The following MROH2B variants were observed in gnomAD, a reference collection of about 807,000 sequenced individuals.
MROH2B encodes the protein maestro heat-like repeat-containing protein family member 2B.
Under a neutral mutation model 208.6 loss-of-function variants are expected in MROH2B, and 177 were observed. The observed-to-expected ratio is 0.85, with a 90% CI of 0.75 to 0.96. The LOEUF (loss-of-function observed/expected upper bound fraction) is 0.96. Ranked by LOEUF, MROH2B falls within the 40% of genes least tolerant of loss-of-function variation. MROH2B has a pLI of 0.00. For missense variants in MROH2B, 2,002 were observed against 1,878.7 expected (o/e 1.07, Z -1.21); for synonymous variants, 728 against 659.0 (o/e 1.10, Z -1.60).
At chr5:41,053,631 T>G (rs954064194) in intron 11 of MROH2B, among the ~76,000 whole-genome samples, 3 of 152,152 alleles carry the variant, frequency 2.0e-5, no homozygotes, top group African/African-American at 7.2e-5. Flanking sequence ...CTCAGTAGTC[T>G]ACCTAGAGAA....
chr5:41,007,487 T>C (rs367877590), intron 33 of MROH2B, 33 bp from the exon 34 acceptor site: 1 of 1,502,492 alleles, frequency 6.7e-7, no homozygotes, highest in Non-Finnish European at 8.9e-7. Flanking sequence ...CAAAACTAAG[T>C]TGACCCTTAT....
At chr5:41,048,188 A>C in intron 16 of MROH2B, 136 bp downstream of exon 16, 4 of 1,051,682 alleles carry the variant, frequency 3.8e-6, no homozygotes. Flanking sequence ...AGAAAAAAAT[A>C]GCTATCTACC....
chr5:41,012,805 T>A, intron 29 of MROH2B, 70 bp from the exon 30 acceptor site: 3 of 1,571,968 alleles, frequency 1.9e-6, no homozygotes, highest in East Asian at 2.2e-5. Flanking sequence ...TACAACATGC[T>A]GTTGTGGTTT....
At chr5:40,998,730 T>C (rs1741290317) in intron 40 of MROH2B, 53 bp from the exon 41 acceptor site, 3 of 1,468,642 alleles carry the variant, frequency 2.0e-6, no homozygotes, top group East Asian at 2.4e-5. Context: ...GAAGAAGCCA[T>C]GAAAAGTATA....
At chr5:41,055,247 T>C (rs1743410230) in intron 10 of MROH2B, among the ~76,000 whole-genome samples, 1 of 152,226 alleles carries the variant, frequency 6.6e-6, no homozygotes, top group Non-Finnish European at 1.5e-5. Flanking sequence ...ATATCACCAA[T>C]TTTATCATGC....
chr5:41,067,021 G>T, intron 3 of MROH2B, 87 bp downstream of exon 3: 1 of 740,306 alleles, frequency 1.4e-6, no homozygotes, highest in Non-Finnish European at 2.4e-6. Flanking sequence ...TGTGGTCCTG[G>T]CAACAGTGTA....
At chr5:41,055,925 A>G in intron 9 of MROH2B, 70 bp from the exon 10 acceptor site, 1 of 1,062,854 alleles carries the variant, frequency 9.4e-7, no homozygotes, top group Non-Finnish European at 1.5e-6. Context: ...GAATGGGAGG[A>G]GGGAAATTCA....
Position 41,039,484 on chromosome 5 carries a change from G to T in MROH2B, c.2025C>A (p.Phe675Leu). Residue 675 changes from phenylalanine to leucine, a missense_variant, in exon 20 of 42, where the codon TTC becomes TTA. Coordinates refer to ENST00000399564, the MANE Select transcript of MROH2B (RefSeq NM_173489.5). ...TCATGAAAAACTTTTCCTGATTTTG[G>T]AATGTTTTAAGAACTTTTAAAACAA... ...LDIVLKVLKTFQNQEKFFMNR... is the reference protein window; with the variant it reads ...LDIVLKVLKTLQNQEKFFMNR... 1 of 1,602,750 alleles carries T rather than the reference G, an allele frequency of 6.2e-7. No individual in the cohort carries two copies. Among genetic ancestry groups the T allele is most frequent in the Non-Finnish European group, 8.5e-7 (1 of 1,173,722 alleles).
chr5:41,027,270 A>C (rs989925134), intron 24 of MROH2B, among the ~76,000 whole-genome samples: 10 of 152,212 alleles, frequency 6.6e-5, no homozygotes, highest in African/African-American at 2.2e-4. Flanking sequence ...AATGGGAGAA[A>C]ATTTTTGCAA....
intron 24 of MROH2B, among the ~76,000 whole-genome samples, chr5:41,026,049 A>G (rs1368422810): frequency 2.0e-5 from 3 of 150,274 alleles, no homozygotes; most frequent in African/African-American, 7.4e-5. Context: ...AAATAATAAG[A>G]GCTATTTATG....
At chr5:41,027,540 C>T (rs557729646) in intron 24 of MROH2B, among the ~76,000 whole-genome samples, 20 of 152,232 alleles carry the variant, frequency 1.3e-4, no homozygotes, top group Admixed American at 5.2e-4. Context: ...CAGGAAACAA[C>T]AGGTGCTGGA....
chr5:41,034,895 G>A (rs1160915453), intron 21 of MROH2B, among the ~76,000 whole-genome samples: 2 of 151,990 alleles, frequency 1.3e-5, no homozygotes, highest in African/African-American at 2.4e-5. Context: ...GTTAACTAAG[G>A]TCATGAAAGA....
rs774177689 is a variant in MROH2B at position 41,054,886 on chromosome 5, AC to A, written c.1034-47del. 3.7e-6 allele frequency: 5 copies of A among 1,359,428 alleles called. No homozygotes were observed. In the Middle Eastern group the frequency reaches 5.5e-4, roughly 148 times the overall value. 84.2% of individuals were successfully genotyped at this position (1,359,428 alleles called of 1,614,324 possible). On this transcript the variant is annotated intron_variant, in intron 10 of 41. Coordinates refer to ENST00000399564, the MANE Select transcript of MROH2B (RefSeq NM_173489.5). The stretch of plus-strand genomic sequence containing the variant: ...TTGAGAGGCCTGACTCAATAGAAGT[AC>A]AGTATGTTCTAGGATTGATGAAAAG...
intron 33 of MROH2B, among the ~76,000 whole-genome samples, chr5:41,007,971 C>T (rs551656738): frequency 7.2e-5 from 11 of 152,244 alleles, no homozygotes; most frequent in African/African-American, 1.9e-4. Flanking sequence ...CAACCTAATA[C>T]GTGTTGACTA....
intron 20 of MROH2B, among the ~76,000 whole-genome samples, 188 bp downstream of exon 20, chr5:41,039,260 G>C (rs1742866604): frequency 6.6e-6 from 1 of 152,136 alleles, no homozygotes; most frequent in Non-Finnish European, 1.5e-5. Flanking sequence ...CAGCTTTAGG[G>C]TCAGAGAAAA....
chr5:41,058,520 C>G (rs1480064515), intron 6 of MROH2B, among the ~76,000 whole-genome samples: 1 of 151,986 alleles, frequency 6.6e-6, no homozygotes, highest in Non-Finnish European at 1.5e-5. Flanking sequence ...TGCAGTGGCA[C>G]GATCTCAGCT....
At chr5:40,998,767 A>AAGGT (rs747480122) in intron 40 of MROH2B, 90 bp from the exon 41 acceptor site, 15 of 1,061,350 alleles carry the variant, frequency 1.4e-5, no homozygotes, top group Non-Finnish European at 1.7e-5. Context: ...ACCTGGTGAG[A>AAGGT]AGGTAAATGG....
chr5:41,055,311 A>G (rs1461804966), intron 10 of MROH2B, among the ~76,000 whole-genome samples: 1 of 152,256 alleles, frequency 6.6e-6, no homozygotes, highest in Non-Finnish European at 1.5e-5. Context: ...TTAAAGATTC[A>G]TTCAATTGTA....
chr5:41,051,845 G>T (rs765706900), intron 12 of MROH2B, among the ~76,000 whole-genome samples: 2 of 152,078 alleles, frequency 1.3e-5, no homozygotes, highest in Non-Finnish European at 2.9e-5. Context: ...TGTTTTTAAA[G>T]GATTTTAAAA....
Sources: allele counts gnomAD v4.1 joint callset (sites outside exome capture counted in the v4.1 genomes callset), GRCh38; gene constraint gnomAD v4.1.1; transcripts MANE v1.5; gene names NCBI Gene and HGNC (gene_info 2026-07-23, HGNC 2026-07-21).